Variants in GRM8 observed in about 807,000 individuals in gnomAD.
The protein encoded by GRM8 is metabotropic glutamate receptor 8.
In GRM8, 47 loss-of-function variants were observed where a neutral mutation model predicts 87.2. The ratio of observed to expected loss-of-function variants is 0.54; its 90% confidence interval spans 0.43 to 0.69. The LOEUF (loss-of-function observed/expected upper bound fraction) is 0.69. Among genes scored for constraint, GRM8 ranks in the 30% least tolerant of loss-of-function variants. The probability of loss-of-function intolerance (pLI) is 0.00; values close to 1 mark genes in which losing one functional copy is unlikely to be tolerated. For synonymous variants in GRM8, 396 were observed against 404.5 expected, an observed-to-expected ratio of 0.98 and a Z score of 0.25; for missense variants, 1,019 against 1,139.2, an observed-to-expected ratio of 0.89 and a Z score of 1.52.
At chr7:127,220,936 C>T (rs1796889673) in intron 2 of GRM8, among the ~76,000 whole-genome samples, 1 of 152,162 alleles carries the variant, frequency 6.6e-6, no homozygotes, top group Non-Finnish European at 1.5e-5. Context: ...GCCATGCAGC[C>T]CTTCCACCCT....
At chr7:127,119,343 A>G (rs1826891630) in intron 2 of GRM8, among the ~76,000 whole-genome samples, 1 of 152,080 alleles carries the variant, frequency 6.6e-6, no homozygotes, top group Non-Finnish European at 1.5e-5. Flanking sequence ...AAAATTAGCC[A>G]GGCATGGTGG....
chr7:126,759,044 C>T (rs1289643200), intron 7 of GRM8, among the ~76,000 whole-genome samples: 4 of 151,900 alleles, frequency 2.6e-5, no homozygotes, highest in Non-Finnish European at 5.9e-5. Flanking sequence ...ATTACAGGTG[C>T]GCATCACCAC....
intron 2 of GRM8, among the ~76,000 whole-genome samples, chr7:127,209,011 G>T (rs1175301790): frequency 6.6e-6 from 1 of 152,162 alleles, no homozygotes; most frequent in African/African-American, 2.4e-5. Flanking sequence ...TCAACATCGG[G>T]GATATAAATA....
chr7:126,884,228 T>C (rs767581556), intron 6 of GRM8, among the ~76,000 whole-genome samples: 21 of 152,114 alleles, frequency 1.4e-4, no homozygotes, highest in Admixed American at 3.9e-4. Flanking sequence ...CCTTAAAAGA[T>C]GGAGGCATTA....
rs1231055192 is a variant in GRM8, at chr7:126,464,028, G to A, written c.2431-17656C>T. On this transcript the variant is annotated intron_variant, in intron 9 of 10. Transcript: ENST00000339582. ...TTTCTATGATTAAAGAAGCTGAATT[G>A]CTTTTCCTATAATTATTGAGCATTT... Among the ~76,000 whole-genome samples the A allele has an allele frequency of 2.0e-5, 3 of 151,580 alleles. No homozygotes were observed. The East Asian group carries it at 5.8e-4, about 29-fold the overall frequency.
intron 6 of GRM8, among the ~76,000 whole-genome samples, chr7:126,853,045 G>A (rs1797359475): frequency 6.6e-6 from 1 of 152,168 alleles, no homozygotes; most frequent in African/African-American, 2.4e-5. Flanking sequence ...TTTTGTGATG[G>A]ATGGAATGTT....
intron 9 of GRM8, among the ~76,000 whole-genome samples, chr7:126,474,392 C>T (rs139209533): frequency 1.2e-3 from 185 of 152,242 alleles, no homozygotes; most frequent in Middle Eastern, 6.8e-3. Flanking sequence ...CCTCAGCCTC[C>T]TGAGTAGCTG....
chr7:126,829,521 C>T (rs1282438295), intron 6 of GRM8, among the ~76,000 whole-genome samples: 1 of 147,500 alleles, frequency 6.8e-6, no homozygotes, highest in Non-Finnish European at 1.5e-5. Flanking sequence ...ACTAGGATTG[C>T]AACCCCTGCC....
At chr7:126,663,388 C>A (rs1425637157) in intron 7 of GRM8, among the ~76,000 whole-genome samples, 2 of 152,138 alleles carry the variant, frequency 1.3e-5, no homozygotes, top group Non-Finnish European at 2.9e-5. Context: ...ATTGAAAAAT[C>A]CTCAACAAAA....
intron 8 of GRM8, among the ~76,000 whole-genome samples, chr7:126,538,717 T>C (rs17682178): frequency 0.37 from 55,524 of 151,898 alleles, 10,306 homozygotes; most frequent in South Asian, 0.41. Flanking sequence ...GAAGACTGCA[T>C]GTGCAATTAC....
intron 3 of GRM8, among the ~76,000 whole-genome samples, chr7:127,008,941 A>G (rs1220584356): frequency 6.6e-6 from 1 of 152,162 alleles, no homozygotes; most frequent in Non-Finnish European, 1.5e-5. Context: ...GAAGCATTAC[A>G]TAACACATGC....
At chr7:126,492,238 A>C (rs1456342463) in intron 9 of GRM8, among the ~76,000 whole-genome samples, 1 of 151,764 alleles carries the variant, frequency 6.6e-6, no homozygotes, top group Admixed American at 6.6e-5. Context: ...TTTTTTAGAG[A>C]CGGGGTTTCG....
At chr7:126,456,518 C>CAAAAA (rs1803242856) in intron 9 of GRM8, among the ~76,000 whole-genome samples, 1 of 5,720 alleles carries the variant, frequency 1.7e-4, no homozygotes, top group Non-Finnish European at 2.6e-4. Context: ...AAGCAGCAAG[C>CAAAAA]TAAAAAAAAA....
At chr7:126,523,519 CAG>C (rs1200239833) in intron 9 of GRM8, among the ~76,000 whole-genome samples, 3 of 144,804 alleles carry the variant, frequency 2.1e-5, no homozygotes, top group Admixed American at 6.9e-5. Flanking sequence ...TTTTTTGAAA[CAG>C]AGTCTCACTC....
chr7:127,106,444 C>A lies in GRM8; in HGVS notation c.727+52G>T, dbSNP rs895897692. On this transcript the variant is annotated intron_variant, in intron 3 of 10. Coordinates refer to ENST00000339582, the MANE Select transcript of GRM8 (RefSeq NM_000845.3). Reference sequence around the variant, plus strand: ...AAGAGAGCACTTGGAGATGCTCAGGCATCAGCAATCTGTCACCTCCAAATA... The same window carrying A: ...AAGAGAGCACTTGGAGATGCTCAGGAATCAGCAATCTGTCACCTCCAAATA... 8.0e-6 allele frequency: 11 copies of A among 1,382,908 alleles called. No individual in the cohort carries two copies. In the African/African-American group the frequency reaches 1.3e-4, roughly 16 times the overall value. The allele number at this position is 1,382,908 out of a possible 1,614,324, so 85.7% of individuals were successfully genotyped here. A position where few individuals can be genotyped will look rare whatever the true frequency, so the allele number is the denominator to read the frequency against.
At chr7:126,457,383 A>C (rs1007877917) in intron 9 of GRM8, among the ~76,000 whole-genome samples, 2 of 151,474 alleles carry the variant, frequency 1.3e-5, no homozygotes, top group Non-Finnish European at 3.0e-5. Flanking sequence ...CTGGACAATA[A>C]TTTTCCAAAA....
intron 9 of GRM8, among the ~76,000 whole-genome samples, chr7:126,498,697 C>T (rs906710544): frequency 6.6e-6 from 1 of 151,902 alleles, no homozygotes; most frequent in African/African-American, 2.4e-5. Context: ...TTCACTTTTT[C>T]CACCTTACTT....
Position 126,613,236 on chromosome 7 carries a change from ATTGT to A in GRM8, c.1358-3742_1358-3739del, listed in dbSNP as rs945768784. On this transcript the variant is annotated intron_variant, in intron 7 of 10. Coordinates refer to ENST00000339582, the MANE Select transcript of GRM8 (RefSeq NM_000845.3). ...AAGTTTGCCATCTTTTAAAAATGTC[ATTGT>A]TTGTACTGAAACTGGCCACTCTGAG... Among the ~76,000 whole-genome samples, 24 of 152,240 alleles carry A rather than the reference ATTGT, an allele frequency of 1.6e-4. 1 individual carries two copies. The South Asian group carries it at 1.7e-3, about 11-fold the overall frequency.
At chr7:126,861,356 A>G (rs1317141030) in intron 6 of GRM8, among the ~76,000 whole-genome samples, 1 of 151,964 alleles carries the variant, frequency 6.6e-6, no homozygotes, top group East Asian at 1.9e-4. Flanking sequence ...ATTGTTTCCA[A>G]TTTTTCACTA....
Sources: gnomAD v4.1 joint callset for allele counts (sites outside exome capture counted in the v4.1 genomes callset) on GRCh38, gnomAD v4.1.1 for gene constraint, MANE v1.5 for transcripts, NCBI Gene and HGNC (gene_info 2026-07-23, HGNC 2026-07-21) for gene names.